CNTN4: variants seen among roughly 807,000 people sequenced by gnomAD.
CNTN4 encodes contactin 4.
CNTN4 carries 77 observed loss-of-function variants against 122.5 expected under a neutral mutation model. The ratio of observed to expected loss-of-function variants is 0.63; its 90% CI spans 0.52 to 0.76. The LOEUF is 0.76. Among genes scored for constraint, CNTN4 ranks in the 30% least tolerant of loss-of-function variants. The pLI is 0.00. For missense variants in CNTN4, 1,256 were observed against 1,259.1 expected (o/e 1.00, Z 0.04); for synonymous variants, 512 against 447.0 (o/e 1.15, Z -1.83).
chr3:2,836,972 A>C (rs2093240503), intron 7 of CNTN4, among the ~76,000 whole-genome samples: 1 of 152,212 alleles, frequency 6.6e-6, no homozygotes, highest in Admixed American at 6.5e-5. Context: ...TATTTAACAG[A>C]GGACGTAAAG....
At position 2,902,885 on chromosome 3, in the gene CNTN4, C is replaced by G. The variant is rs140840486; in HGVS notation, c.1087C>G (p.Gln363Glu). 4.9e-5 allele frequency: 79 copies of G among 1,613,194 alleles called. No individual in the cohort carries two copies. In the African/African-American group the frequency reaches 9.7e-4, roughly 20 times the overall value. Reference protein sequence around the residue: ...GEPLLTRDRIQIEQGTLNITI... With the variant: ...GEPLLTRDRIEIEQGTLNITI... ...CTCTTTTCTTTCACAGGATAGAATT[C>G]AAATTGAGCAAGGAACACTCAACAT... Residue 363 changes from glutamine to glutamate, a missense_variant, in exon 12 of 25, where the codon CAA (glutamine) becomes GAA (glutamate). Gln to Glu is a conservative substitution (Grantham distance 29). Transcript: ENST00000418658.
At chr3:2,963,544 A>C (rs1422685874) in intron 13 of CNTN4, among the ~76,000 whole-genome samples, 3 of 152,064 alleles carry the variant, frequency 2.0e-5, no homozygotes, top group East Asian at 1.9e-4. Flanking sequence ...GGGCCTTTGC[A>C]CTTGATGTTC....
chr3:2,450,437 G>A (rs1316736351), intron 3 of CNTN4, among the ~76,000 whole-genome samples: 1 of 152,046 alleles, frequency 6.6e-6, no homozygotes, highest in Non-Finnish European at 1.5e-5. Flanking sequence ...ATAGGAGCTA[G>A]GAGATAGAAG....
intron 2 of CNTN4, among the ~76,000 whole-genome samples, chr3:2,297,987 C>T (rs116322842): frequency 0.022 from 3,394 of 152,286 alleles, 125 homozygotes; most frequent in African/African-American, 0.078. Flanking sequence ...CTGCCTTGGC[C>T]TCCCAAAGGG....
chr3:2,902,084 T>G (rs2094180629), intron 11 of CNTN4, among the ~76,000 whole-genome samples: 1 of 152,164 alleles, frequency 6.6e-6, no homozygotes, highest in African/African-American at 2.4e-5. Context: ...ATATCTAGAT[T>G]TGATCAAAGT....
chr3:2,914,479 TAA>T (rs2094333868), intron 12 of CNTN4, among the ~76,000 whole-genome samples: 1 of 151,854 alleles, frequency 6.6e-6, no homozygotes, highest in South Asian at 2.1e-4. Context: ...GATTCAGAAA[TAA>T]AAAGAGTATA....
chr3:2,394,995 C>T (rs1330213609), intron 3 of CNTN4, among the ~76,000 whole-genome samples: 3 of 152,024 alleles, frequency 2.0e-5, no homozygotes, highest in Non-Finnish European at 4.4e-5. Context: ...CCATGTTGGC[C>T]AGGCTGGTCT....
rs528028705 is a variant in CNTN4 at position 2,117,114 on chromosome 3, C to G, written c.-145+16475C>G. ...AGGGCTCAGTCCCACAAGACTGTCC[C>G]CTACTCCCAATGCCACAGGCAAGCC... On this transcript the variant is annotated intron_variant, in intron 2 of 24. Transcript: ENST00000418658. Among the ~76,000 whole-genome samples the G allele has an allele frequency of 4.6e-5, 7 of 152,254 alleles. No individual in the cohort carries two copies. The South Asian group carries it at 8.3e-4, about 18-fold the overall frequency.
At chr3:3,011,711 G>A (rs1697248885) in intron 14 of CNTN4, among the ~76,000 whole-genome samples, 1 of 152,104 alleles carries the variant, frequency 6.6e-6, no homozygotes. Context: ...TAAAGTCGAG[G>A]CACATTTTGT....
intron 6 of CNTN4, among the ~76,000 whole-genome samples, chr3:2,746,301 A>G (rs1201172745): frequency 6.6e-6 from 1 of 152,184 alleles, no homozygotes; most frequent in Non-Finnish European, 1.5e-5. Flanking sequence ...AATGACAAAA[A>G]CATGGAGACA....
intron 13 of CNTN4, among the ~76,000 whole-genome samples, chr3:2,938,079 G>T (rs114354652): frequency 6.6e-6 from 1 of 152,320 alleles, no homozygotes; most frequent in African/African-American, 2.4e-5. Flanking sequence ...CAGAAACACG[G>T]TGAGTCAGCT....
chr3:2,257,860 G>T (rs1031275163), intron 2 of CNTN4, among the ~76,000 whole-genome samples: 1 of 152,018 alleles, frequency 6.6e-6, no homozygotes, highest in African/African-American at 2.4e-5. Flanking sequence ...TCAGGAGTTG[G>T]ATATCACCTG....
At chr3:2,808,548 T>C (rs891088309) in intron 6 of CNTN4, among the ~76,000 whole-genome samples, 3 of 152,046 alleles carry the variant, frequency 2.0e-5, no homozygotes, top group African/African-American at 4.8e-5. Context: ...AAAAGATAAT[T>C]GTATGATATA....
chr3:2,421,313 C>T (rs1483060746), intron 3 of CNTN4, among the ~76,000 whole-genome samples: 6 of 147,224 alleles, frequency 4.1e-5, no homozygotes, highest in South Asian at 4.3e-4. Context: ...AGTGCAGTGG[C>T]GTGATCTCAG....
chr3:2,215,385 C>A (rs2038793303), intron 2 of CNTN4, among the ~76,000 whole-genome samples: 1 of 152,132 alleles, frequency 6.6e-6, no homozygotes, highest in African/African-American at 2.4e-5. Context: ...TCTTGTACTA[C>A]TGGGCATTTA....
rs528882567 is a variant in CNTN4, at chr3:2,228,733, T to C, written c.-144-110445T>C. Among the ~76,000 whole-genome samples, 4 of 152,286 alleles carry C rather than the reference T, an allele frequency of 2.6e-5. No homozygotes were observed. The South Asian group carries it at 8.3e-4, about 32-fold the overall frequency. On this transcript the variant is annotated intron_variant, in intron 2 of 24. Coordinates refer to ENST00000418658, the MANE Select transcript of CNTN4 (RefSeq NM_175607.3). Reference sequence around the variant, plus strand: ...AATATTTATAGCAACTTGTAATATATATGAATGACTATTAGAGTTTAGACT... The same window carrying C: ...AATATTTATAGCAACTTGTAATATACATGAATGACTATTAGAGTTTAGACT...
Position 2,887,211 on chromosome 3 carries a change from G to A in CNTN4, c.927G>A (p.Gln309=). 6.2e-7 allele frequency: 1 copy of A among 1,613,056 alleles called. No individual in the cohort carries two copies. Among genetic ancestry groups the A allele is most frequent in the Non-Finnish European group, 8.5e-7 (1 of 1,179,844 alleles). ...NSRGKNVARG[Q]LTFYAQPNWI... ...GAGGGAAAAATGTAGCAAGGGGACA[G>A]CTAACTTTCTATGGTAAGTGTATGA... The change falls in exon 10 of 25, where the codon CAG becomes CAA. Residue 309 remains glutamine, a synonymous_variant. Transcript: ENST00000418658.
At chr3:2,553,395 A>T (rs1032292244) in intron 3 of CNTN4, among the ~76,000 whole-genome samples, 2 of 152,178 alleles carry the variant, frequency 1.3e-5, no homozygotes, top group African/African-American at 2.4e-5. Context: ...AATTCATTTA[A>T]ATTAATATGT....
chr3:2,667,830 A>T (rs1393414865), intron 4 of CNTN4, among the ~76,000 whole-genome samples: 1 of 151,874 alleles, frequency 6.6e-6, no homozygotes, highest in Admixed American at 6.6e-5. Context: ...TTTTCCTAGC[A>T]CCATTTATTA....
Sources: gnomAD v4.1 joint callset for allele counts (sites outside exome capture counted in the v4.1 genomes callset) on GRCh38, gnomAD v4.1.1 for gene constraint, MANE v1.5 for transcripts, NCBI Gene and HGNC (gene_info 2026-07-23, HGNC 2026-07-21) for gene names.